The following NTRK2 variants were observed in gnomAD, a reference collection of about 807,000 sequenced individuals.
The protein encoded by NTRK2 is BDNF/NT-3 growth factors receptor.
NTRK2 carries 13 observed loss-of-function variants against 94.5 expected under a neutral mutation model. The observed-to-expected ratio is 0.14, with a 90% CI of 0.09 to 0.22. NTRK2 has a LOEUF of 0.22. Ranked by LOEUF, NTRK2 falls within the 10% of genes least tolerant of loss-of-function variation. The probability of loss-of-function intolerance (pLI) is 1.00; values close to 1 mark genes in which losing one functional copy is unlikely to be tolerated. For synonymous variants in NTRK2, 372 were observed against 407.4 expected, an observed-to-expected ratio of 0.91 and a Z score of 1.05; for missense variants, 639 against 1,071.2, an observed-to-expected ratio of 0.60 and a Z score of 5.63.
At chr9:85,003,623 A>G (rs529246775) in intron 17 of NTRK2, among the ~76,000 whole-genome samples, 2 of 152,210 alleles carry the variant, frequency 1.3e-5, no homozygotes, top group African/African-American at 4.8e-5. Context: ...AGTACAGTGG[A>G]AGATGCTGAT....
intron 12 of NTRK2, among the ~76,000 whole-genome samples, chr9:84,791,232 A>T (rs1301094991): frequency 2.0e-5 from 3 of 152,176 alleles, no homozygotes; most frequent in Non-Finnish European, 4.4e-5. Context: ...CAAAAAATGG[A>T]TTTCCAAAGT....
intron 17 of NTRK2, among the ~76,000 whole-genome samples, chr9:85,016,234 G>A (rs941119155): frequency 2.0e-5 from 3 of 152,144 alleles, no homozygotes; most frequent in Non-Finnish European, 2.9e-5. Flanking sequence ...CAGACCTGAG[G>A]GTACCTGCTC....
intron 11 of NTRK2, among the ~76,000 whole-genome samples, chr9:84,750,462 G>A (rs902952721): frequency 6.6e-6 from 1 of 152,174 alleles, no homozygotes; most frequent in African/African-American, 2.4e-5. Flanking sequence ...ACTATGGATA[G>A]GGATAATAAT....
chr9:84,995,660 T>A (rs1274923398), intron 17 of NTRK2, among the ~76,000 whole-genome samples: 2 of 152,178 alleles, frequency 1.3e-5, no homozygotes, highest in Non-Finnish European at 2.9e-5. Context: ...AATGCCTAGC[T>A]TGCTGGGTTG....
At chr9:84,796,452 A>G (rs2069338230) in intron 12 of NTRK2, among the ~76,000 whole-genome samples, 1 of 152,182 alleles carries the variant, frequency 6.6e-6, no homozygotes. Context: ...TGCTGGGAAA[A>G]AGTATATTGG....
At chr9:84,942,632 G>C (rs2078450585) in intron 15 of NTRK2, among the ~76,000 whole-genome samples, 1 of 151,928 alleles carries the variant, frequency 6.6e-6, no homozygotes, top group South Asian at 2.1e-4. Flanking sequence ...AATGTAAAAA[G>C]AAACATATGA....
intron 17 of NTRK2, among the ~76,000 whole-genome samples, chr9:84,974,373 C>T (rs1826548613): frequency 6.6e-6 from 1 of 152,126 alleles, no homozygotes; most frequent in Admixed American, 6.5e-5. Context: ...AGGATGCATG[C>T]CTTGTGCTAC....
intron 4 of NTRK2, among the ~76,000 whole-genome samples, chr9:84,705,777 C>G (rs2061013257): frequency 6.8e-6 from 1 of 147,484 alleles, no homozygotes. Context: ...CCAGTGAAAC[C>G]CATTCTTTTT....
chr9:84,874,802 G>A, intron 14 of NTRK2: 4 of 1,058,264 alleles, frequency 3.8e-6, no homozygotes, highest in African/African-American at 1.6e-5. Flanking sequence ...GTCAGTGAGA[G>A]AATGCTGAGG....
intron 17 of NTRK2, among the ~76,000 whole-genome samples, chr9:85,000,037 C>G (rs1038691222): frequency 6.6e-6 from 1 of 152,136 alleles, no homozygotes; most frequent in African/African-American, 2.4e-5. Context: ...GAGAGGAACC[C>G]GAGACACAGC....
At chr9:84,934,421 AT>A in intron 15 of NTRK2, 129 bp downstream of exon 15, 1 of 1,002,150 alleles carries the variant, frequency 1.0e-6, no homozygotes, top group Non-Finnish European at 1.5e-6. Flanking sequence ...ATGTATTCAA[AT>A]TCCTTTAAAC....
intron 17 of NTRK2, among the ~76,000 whole-genome samples, chr9:84,976,119 C>T (rs1588093663): frequency 6.6e-6 from 1 of 152,188 alleles, no homozygotes; most frequent in Admixed American, 6.5e-5. Context: ...TATGAGTCAG[C>T]TTAGCTGCCG....
chr9:84,724,659 G>A lies in NTRK2; in HGVS notation c.853+303G>A, dbSNP rs115111354. 6.8e-3 allele frequency among the ~76,000 whole-genome samples: 1,035 copies of A among 152,174 alleles called. 13 individuals carry two copies. Among genetic ancestry groups the A allele is most frequent in the African/African-American group, 0.023 (955 of 41,530 alleles). ...GGGCTGGTTGCTCCCTCTGGTTAAT[G>A]TTTTAGCTTAAATTTTCGTAAATCA... On this transcript the variant is annotated intron_variant, in intron 8 of 18. Coordinates refer to ENST00000277120, the MANE Select transcript of NTRK2 (RefSeq NM_006180.6).
chr9:84,989,928 A>G, intron 17 of NTRK2, among the ~76,000 whole-genome samples: 1 of 152,220 alleles, frequency 6.6e-6, no homozygotes, highest in East Asian at 1.9e-4. Context: ...AGAACATACA[A>G]TTTTAGCACA....
At chr9:84,931,724 A>AAAAAAC (rs1554771082) in intron 14 of NTRK2, among the ~76,000 whole-genome samples, 3 of 151,684 alleles carry the variant, frequency 2.0e-5, no homozygotes, top group East Asian at 1.9e-4. Flanking sequence ...TGCAAAAAAA[A>AAAAAAC]AAAAAACAAA....
At chr9:84,983,129 G>A (rs572010779) in intron 17 of NTRK2, among the ~76,000 whole-genome samples, 7 of 152,276 alleles carry the variant, frequency 4.6e-5, no homozygotes, top group African/African-American at 1.7e-4. Flanking sequence ...CTCGGTTCTA[G>A]TCTTAAAAAT....
At chr9:84,955,776 TC>T (rs755779838) in intron 17 of NTRK2, among the ~76,000 whole-genome samples, 18 of 152,312 alleles carry the variant, frequency 1.2e-4, no homozygotes, top group Non-Finnish European at 2.4e-4. Flanking sequence ...GACAACCCAA[TC>T]CTTCCCTTTA....
chr9:84,875,180 C>T, intron 14 of NTRK2: 1 of 1,058,286 alleles, frequency 9.4e-7, no homozygotes, highest in Non-Finnish European at 1.1e-6. Flanking sequence ...TTTGTTTGTA[C>T]TGGACTCTGT....
intron 12 of NTRK2, among the ~76,000 whole-genome samples, chr9:84,783,291 T>G (rs1209392637): frequency 6.6e-6 from 1 of 152,214 alleles, no homozygotes; most frequent in Non-Finnish European, 1.5e-5. Context: ...CATTTTTGTG[T>G]CTGTATTGCA....
Sources: gnomAD v4.1 joint callset for allele counts (sites outside exome capture counted in the v4.1 genomes callset) on GRCh38, gnomAD v4.1.1 for gene constraint, MANE v1.5 for transcripts, NCBI Gene and HGNC (gene_info 2026-07-23, HGNC 2026-07-21) for gene names.